Variants in PCDHGA5 observed in about 807,000 individuals in gnomAD.
PCDHGA5 encodes the protein protocadherin gamma-A5.
In PCDHGA5, 36 loss-of-function variants were observed where a neutral mutation model predicts 56.7. The ratio of observed to expected loss-of-function variants is 0.64; its 90% CI spans 0.49 to 0.84. PCDHGA5 has a LOEUF of 0.84. PCDHGA5 is among the 40% of genes least tolerant of loss of function. PCDHGA5 has a pLI of 0.00. For missense variants in PCDHGA5, 1,305 were observed against 1,201.5 expected, an observed-to-expected ratio of 1.09 and a Z score of -1.27; for synonymous variants, 563 against 520.2, an observed-to-expected ratio of 1.08 and a Z score of -1.12.
rs772367194 is a variant in PCDHGA5 at position 141,365,598 on chromosome 5, C to G, written c.1268C>G (p.Thr423Ser). Residue 423 changes from threonine to serine, a missense_variant, in exon 1 of 4, where the codon ACC becomes AGC. Coordinates refer to ENST00000518069, the MANE Select transcript of PCDHGA5 (RefSeq NM_018918.3). ...EETSDYNITL[T>S]VMDHGTPPLS... Reference sequence around the variant, plus strand: ...ACTTCAGATTATAATATCACTTTAACCGTCATGGACCATGGAACCCCGCCC... The same window carrying G: ...ACTTCAGATTATAATATCACTTTAAGCGTCATGGACCATGGAACCCCGCCC... The G allele has an allele frequency of 1.2e-6, 2 of 1,613,672 alleles. No individual in the cohort carries two copies. Among genetic ancestry groups the G allele is most frequent in the Non-Finnish European group, 1.7e-6 (2 of 1,179,886 alleles).
intron 1 of PCDHGA5, among the ~76,000 whole-genome samples, chr5:141,481,863 G>A (rs182704348): frequency 8.8e-4 from 130 of 147,602 alleles, no homozygotes; most frequent in African/African-American, 3.3e-3. Flanking sequence ...GCAGTGAGCC[G>A]AGATCGCGCC....
chr5:141,382,044 G>T (rs940702463), intron 1 of PCDHGA5, among the ~76,000 whole-genome samples: 4 of 151,760 alleles, frequency 2.6e-5, no homozygotes, highest in African/African-American at 9.7e-5. Flanking sequence ...GGTCAGGCTG[G>T]TCTCAAGCTC....
intron 1 of PCDHGA5, among the ~76,000 whole-genome samples, chr5:141,463,684 G>C (rs2099066814): frequency 6.6e-6 from 1 of 151,910 alleles, no homozygotes; most frequent in African/African-American, 2.4e-5. Flanking sequence ...ATGACCTCGT[G>C]ATCTGCTCAC....
chr5:141,393,477 C>T (rs1561642767), intron 1 of PCDHGA5: 1 of 1,614,040 alleles, frequency 6.2e-7, no homozygotes, highest in African/African-American at 1.3e-5. Context: ...CAAGCCGCCT[C>T]GCTCTAGCAC....
At chr5:141,403,150 C>G (rs1420317278) in intron 1 of PCDHGA5, 2 of 1,614,046 alleles carry the variant, frequency 1.2e-6, no homozygotes, top group Non-Finnish European at 1.7e-6. Flanking sequence ...GAGTCCGCAT[C>G]GTCTCTAGAG....
At chr5:141,372,060 A>T in intron 1 of PCDHGA5, 1 of 1,613,540 alleles carries the variant, frequency 6.2e-7, no homozygotes, top group East Asian at 2.2e-5. Flanking sequence ...GGACGACCGC[A>T]ACGACAATGC....
In PCDHGA5 at chr5:141,366,162, C is replaced by A. The variant is rs1037452604; in HGVS notation, c.1832C>A (p.Ala611Asp). 1 of 1,614,110 alleles carries A rather than the reference C, an allele frequency of 6.2e-7. No individual in the cohort carries two copies. The highest frequency in any genetic ancestry group is 1.1e-5 in the South Asian group (1 of 91,088). ...TGGCTGTCCTACCGCCTGCTTAAGG[C>A]CAGCGAGCCAGGACTCTTTGCGGTT... ...NAWLSYRLLKASEPGLFAVGL... is the reference protein window; with the variant it reads ...NAWLSYRLLKDSEPGLFAVGL... The change falls in exon 1 of 4, where the codon GCC (alanine) becomes GAC (aspartate). Residue 611 changes from alanine to aspartate, a missense_variant. By Grantham distance (126) the Ala-to-Asp change is moderately radical (BLOSUM62 -2). Coordinates refer to ENST00000518069, the MANE Select transcript of PCDHGA5 (RefSeq NM_018918.3).
intron 1 of PCDHGA5, chr5:141,416,047 A>T (rs2095986655): frequency 1.6e-5 from 3 of 187,858 alleles, no homozygotes; most frequent in Non-Finnish European, 3.2e-5. Context: ...TGGAAACACA[A>T]CCCAAATCCA....
In PCDHGA5 at chr5:141,480,546, G is replaced by A. The variant is rs184388425; in HGVS notation, c.2422-14261G>A. Reference sequence around the variant, plus strand: ...GACAAAGTAGAAGCACATATGAAAAGGCTAAGAAAGCATGAAAGCCAGCAA... The same window carrying A: ...GACAAAGTAGAAGCACATATGAAAAAGCTAAGAAAGCATGAAAGCCAGCAA... On this transcript the variant is annotated intron_variant, in intron 1 of 3. Coordinates refer to ENST00000518069, the MANE Select transcript of PCDHGA5 (RefSeq NM_018918.3). 4.9e-4 allele frequency among the ~76,000 whole-genome samples: 63 copies of A among 128,620 alleles called. 1 individual carries two copies. Among genetic ancestry groups the A allele is most frequent in the Middle Eastern group, 4.2e-3 (1 of 236 alleles). The allele number at this position is 128,620 out of a possible 152,430, so 84.4% of individuals were successfully genotyped here. A position where few individuals can be genotyped will look rare whatever the true frequency, so the allele number is the denominator to read the frequency against.
Position 141,477,872 on chromosome 5 carries a change from G to A in PCDHGA5, c.2422-16935G>A. The stretch of plus-strand genomic sequence containing the variant: ...GGAGATGCTGCCTCGAGGTACCTCA[G>A]CTGGCCACCTAGTGTCACGGGTGGT... On this transcript the variant is annotated intron_variant, in intron 1 of 3. Coordinates refer to ENST00000518069, the MANE Select transcript of PCDHGA5 (RefSeq NM_018918.3). This position sits in a 1 kb window ranked among gnomAD's most constrained non-coding sequence, Gnocchi z 4.9. The A allele has an allele frequency of 6.2e-7, 1 of 1,614,180 alleles. No individual in the cohort carries two copies. Among genetic ancestry groups the A allele is most frequent in the African/African-American group, 1.3e-5 (1 of 75,058 alleles).
intron 1 of PCDHGA5, chr5:141,403,746 C>G (rs773668506): frequency 1.2e-6 from 2 of 1,613,904 alleles, no homozygotes; most frequent in Non-Finnish European, 8.5e-7. Flanking sequence ...CTTACTGCAA[C>G]AGCCAGCGAC....
Position 141,432,492 on chromosome 5 carries a change from C to G in PCDHGA5, c.2422-62315C>G. The G allele has an allele frequency of 6.2e-7, 1 of 1,614,168 alleles. No individual in the cohort carries two copies. The highest frequency in any genetic ancestry group is 8.5e-7 in the Non-Finnish European group (1 of 1,180,040). On this transcript the variant is annotated intron_variant, in intron 1 of 3. Transcript: ENST00000518069. This position sits in a 1 kb window ranked among gnomAD's most constrained non-coding sequence, Gnocchi z 6.0. Reference sequence around the variant, plus strand: ...GACGGTTCCACTGGCGTGGAGCTGGCTCCCCGCTCCGCAGAGCCCGGCTAC... The same window carrying G: ...GACGGTTCCACTGGCGTGGAGCTGGGTCCCCGCTCCGCAGAGCCCGGCTAC...
intron 1 of PCDHGA5, chr5:141,420,342 T>C: frequency 7.2e-7 from 1 of 1,388,390 alleles, no homozygotes; most frequent in Non-Finnish European, 9.6e-7. Flanking sequence ...AATATAGTGG[T>C]ATTATTTTAA....
Position 141,491,190 on chromosome 5 carries a change from C to A in PCDHGA5, c.2422-3617C>A, listed in dbSNP as rs759736855. On this transcript the variant is annotated intron_variant, in intron 1 of 3. Transcript: ENST00000518069. The surrounding 1 kb of genome is among the most constrained non-coding windows in gnomAD (Gnocchi z 6.9). ...AGCAGGTGGTGGTCCTGGTGAGGGA[C>A]AATGGTGACCCTTCACTCTCCTCCA... 1 of 1,614,192 alleles carries A rather than the reference C, an allele frequency of 6.2e-7. No homozygotes were observed. The highest frequency in any genetic ancestry group is 1.1e-5 in the South Asian group (1 of 91,082).
At chr5:141,394,446 A>C in intron 1 of PCDHGA5, 1 of 1,614,246 alleles carries the variant, frequency 6.2e-7, no homozygotes, top group Non-Finnish European at 8.5e-7. Flanking sequence ...CCTCAGCAGC[A>C]ACATGTCACT....
intron 1 of PCDHGA5, among the ~76,000 whole-genome samples, chr5:141,379,887 CTCTTTTTTTTTTT>C (rs1775930082): frequency 1.2e-5 from 1 of 84,268 alleles, no homozygotes; most frequent in African/African-American, 5.0e-5. Context: ...CTGTGAAAGC[CTCTTTTTTTTTTT>C]TTTTTTTTTT....
chr5:141,491,876 A>G lies in PCDHGA5; in HGVS notation c.2422-2931A>G. ...TTGCGCGAAACCAGAGTGGCCGATT[A>G]AGGGATGGGGCTCCGAGCACCGGGG... On this transcript the variant is annotated intron_variant, in intron 1 of 3. Coordinates refer to ENST00000518069, the MANE Select transcript of PCDHGA5 (RefSeq NM_018918.3). The surrounding 1 kb of genome is among the most constrained non-coding windows in gnomAD (Gnocchi z 6.9). 2.1e-6 allele frequency: 3 copies of G among 1,450,326 alleles called. No individual in the cohort carries two copies. Among genetic ancestry groups the G allele is most frequent in the Non-Finnish European group, 1.8e-6 (2 of 1,097,472 alleles). 89.8% of individuals were successfully genotyped at this position (1,450,326 alleles called of 1,614,324 possible).
rs780121604 is a variant in PCDHGA5 at position 141,365,890 on chromosome 5, C to G, written c.1560C>G (p.Phe520Leu). 6.2e-7 allele frequency: 1 copy of G among 1,614,022 alleles called. No individual in the cohort carries two copies. Among genetic ancestry groups the G allele is most frequent in the East Asian group, 2.2e-5 (1 of 44,900 alleles). The change falls in exon 1 of 4, where the codon TTC becomes TTG. Residue 520 changes from phenylalanine to leucine, a missense_variant. Physicochemically the swap from Phe to Leu is conservative, Grantham distance 22. Coordinates refer to ENST00000518069, the MANE Select transcript of PCDHGA5 (RefSeq NM_018918.3). ...DTGVLYALRS[F>L]DYEQLRDLQL... ...GTGTCCTGTATGCTCTGAGATCCTT[C>G]GACTATGAGCAGTTGAGAGACCTAC...
intron 1 of PCDHGA5, among the ~76,000 whole-genome samples, chr5:141,447,652 C>T (rs901761789): frequency 6.6e-6 from 1 of 151,972 alleles, no homozygotes; most frequent in African/African-American, 2.4e-5. Context: ...TAGAATTTTC[C>T]CCCCCAGGAA....
Sources: gnomAD v4.1 joint callset for allele counts (sites outside exome capture counted in the v4.1 genomes callset) on GRCh38, gnomAD v4.1.1 for gene constraint, Gnocchi (gnomAD v3.1) non-coding constraint, MANE v1.5 for transcripts, NCBI Gene and HGNC (gene_info 2026-07-23, HGNC 2026-07-21) for gene names.